Variants in MAGI3 observed in about 807,000 individuals in gnomAD.
The protein encoded by MAGI3 is membrane associated guanylate kinase, WW and PDZ domain containing 3.
MAGI3 carries 43 observed loss-of-function variants against 121.8 expected under a neutral mutation model. The ratio of observed to expected loss-of-function variants is 0.35; its 90% confidence interval spans 0.28 to 0.46. The LOEUF (loss-of-function observed/expected upper bound fraction) is 0.46. MAGI3 is among the 20% of genes least tolerant of loss of function. MAGI3 has a pLI of 1.00. For missense variants in MAGI3, 1,547 were observed against 1,797.3 expected (o/e 0.86, Z 2.52); for synonymous variants, 553 against 639.3 (o/e 0.86, Z 2.04).
chr1:113,449,377 G>GTGTGTA (rs1553186336), intron 1 of MAGI3, among the ~76,000 whole-genome samples: 1 of 151,638 alleles, frequency 6.6e-6, no homozygotes, highest in Non-Finnish European at 1.5e-5. Context: ...GTGTGTGTGT[G>GTGTGTA]TGTGTGTGTG....
chr1:113,662,891 A>G lies in MAGI3; in HGVS notation c.2815+3626A>G, dbSNP rs143376612. Among the ~76,000 whole-genome samples the G allele has an allele frequency of 2.4e-3, 360 of 152,006 alleles. 1 individual carries two copies. Among genetic ancestry groups the G allele is most frequent in the African/African-American group, 8.1e-3 (334 of 41,442 alleles). On this transcript the variant is annotated intron_variant, in intron 16 of 20. Coordinates refer to ENST00000307546, the MANE Select transcript of MAGI3 (RefSeq NM_001142782.2). Reference sequence around the variant, plus strand: ...AGCTGTTGTCTTTTTTTTCTTTTTAATTGGGATAGACTTCATATACTATAA... The same window carrying G: ...AGCTGTTGTCTTTTTTTTCTTTTTAGTTGGGATAGACTTCATATACTATAA...
At position 113,391,692 on chromosome 1, in the gene MAGI3, G is replaced by C. The variant is rs1174110882; in HGVS notation, c.316+343G>C. Among the ~76,000 whole-genome samples the C allele has an allele frequency of 6.6e-6, 1 of 152,178 alleles. No homozygotes were observed. Among genetic ancestry groups the C allele is most frequent in the Non-Finnish European group, 1.5e-5 (1 of 68,036 alleles). On this transcript the variant is annotated intron_variant, in intron 1 of 20. Coordinates refer to ENST00000307546, the MANE Select transcript of MAGI3 (RefSeq NM_001142782.2). This position sits in a 1 kb window ranked among gnomAD's most constrained non-coding sequence, Gnocchi z 4.4. Reference sequence around the variant, plus strand: ...GCCTTTTCCTGTGTTGTGCAAAAAGGCCCTTAGGATTGTAACATTTTCTTT... The same window carrying C: ...GCCTTTTCCTGTGTTGTGCAAAAAGCCCCTTAGGATTGTAACATTTTCTTT...
intron 16 of MAGI3, among the ~76,000 whole-genome samples, chr1:113,668,887 C>T (rs1024906419): frequency 1.3e-5 from 2 of 152,206 alleles, no homozygotes; most frequent in Non-Finnish European, 2.9e-5. Flanking sequence ...CGGCCAAAAA[C>T]ATGTAACTTT....
chr1:113,395,682 C>A (rs1337150120), intron 1 of MAGI3, among the ~76,000 whole-genome samples: 1 of 151,762 alleles, frequency 6.6e-6, no homozygotes, highest in Non-Finnish European at 1.5e-5. Context: ...TATATACACA[C>A]ACACATACTT....
chr1:113,598,823 C>G (rs1336859346), intron 6 of MAGI3, among the ~76,000 whole-genome samples: 1 of 152,016 alleles, frequency 6.6e-6, no homozygotes, highest in Non-Finnish European at 1.5e-5. Flanking sequence ...ACAAATAAAC[C>G]TGACAGATAT....
At chr1:113,630,288 A>C (rs1334609934) in intron 9 of MAGI3, among the ~76,000 whole-genome samples, 3 of 152,098 alleles carry the variant, frequency 2.0e-5, no homozygotes, top group Non-Finnish European at 4.4e-5. Flanking sequence ...GCTCACCTAA[A>C]GCACAAAGGC....
At chr1:113,603,892 T>A (rs1379872411) in intron 6 of MAGI3, among the ~76,000 whole-genome samples, 1 of 151,860 alleles carries the variant, frequency 6.6e-6, no homozygotes, top group Non-Finnish European at 1.5e-5. Context: ...AACAAACATA[T>A]GAAAAAAAAT....
Position 113,474,185 on chromosome 1 carries a change from C to T in MAGI3, c.317-75330C>T, listed in dbSNP as rs527362867. Among the ~76,000 whole-genome samples the T allele has an allele frequency of 2.1e-3, 316 of 152,010 alleles. 4 individuals are homozygous for T. The highest frequency in any genetic ancestry group is 7.4e-3 in the African/African-American group (306 of 41,452). ...TTAGCCATTTGTCAGATGGGTAGAT[C>T]GCAAAAATTTTCTCCCATTCTGTAG... On this transcript the variant is annotated intron_variant, in intron 1 of 20. Transcript: ENST00000307546.
intron 1 of MAGI3, among the ~76,000 whole-genome samples, chr1:113,428,777 C>T (rs1557752138): frequency 6.6e-6 from 1 of 152,138 alleles, no homozygotes; most frequent in Non-Finnish European, 1.5e-5. Context: ...TAAATTTTCA[C>T]CAGAAATACT....
At chr1:113,412,847 A>G (rs1199084316) in intron 1 of MAGI3, among the ~76,000 whole-genome samples, 2 of 152,070 alleles carry the variant, frequency 1.3e-5, no homozygotes, top group African/African-American at 4.8e-5. Flanking sequence ...CTCTGATGGT[A>G]GTTTCTTTTG....
At chr1:113,515,524 C>G in intron 1 of MAGI3, among the ~76,000 whole-genome samples, 1 of 152,184 alleles carries the variant, frequency 6.6e-6, no homozygotes, top group South Asian at 2.1e-4. Context: ...AGCACACCAG[C>G]TTTTTACATG....
At chr1:113,534,569 A>G (rs1190219536) in intron 1 of MAGI3, among the ~76,000 whole-genome samples, 1 of 151,706 alleles carries the variant, frequency 6.6e-6, no homozygotes, top group Non-Finnish European at 1.5e-5. Context: ...TTGGGTACAT[A>G]CTCCTATGTA....
At chr1:113,556,872 G>C (rs1168959510) in intron 2 of MAGI3, among the ~76,000 whole-genome samples, 2 of 151,956 alleles carry the variant, frequency 1.3e-5, no homozygotes, top group Non-Finnish European at 2.9e-5. Context: ...GGCCTAATAA[G>C]GAATATTCTG....
intron 1 of MAGI3, among the ~76,000 whole-genome samples, chr1:113,463,803 G>T (rs1044434967): frequency 6.6e-6 from 1 of 152,124 alleles, no homozygotes; most frequent in South Asian, 2.1e-4. Flanking sequence ...ACATATTAAG[G>T]CTTGACATTA....
intron 9 of MAGI3, 129 bp from the exon 10 acceptor site, chr1:113,641,782 T>G: frequency 4.1e-6 from 3 of 727,710 alleles, no homozygotes; most frequent in Non-Finnish European, 6.4e-6. Context: ...AAATCTATCT[T>G]TTCAGCAGTT....
intron 3 of MAGI3, chr1:113,581,062 T>C (rs967332314): frequency 6.6e-6 from 1 of 152,428 alleles, no homozygotes; most frequent in African/African-American, 2.4e-5. Context: ...AATATAAAAT[T>C]TGGGGAGAAA....
intron 1 of MAGI3, among the ~76,000 whole-genome samples, chr1:113,462,155 A>T (rs1183535494): frequency 6.6e-6 from 1 of 152,206 alleles, no homozygotes; most frequent in South Asian, 2.1e-4. Context: ...CTGTATGATG[A>T]TTCCTCAGAG....
intron 7 of MAGI3, among the ~76,000 whole-genome samples, chr1:113,616,019 A>G (rs1650438711): frequency 1.3e-5 from 2 of 152,300 alleles, no homozygotes; most frequent in South Asian, 4.1e-4. Context: ...TTCTGAGATA[A>G]TGATTCTCAT....
intron 1 of MAGI3, among the ~76,000 whole-genome samples, chr1:113,488,822 C>T (rs567917845): frequency 2.6e-5 from 4 of 152,120 alleles, no homozygotes; most frequent in Non-Finnish European, 5.9e-5. Context: ...GCAGATCCTC[C>T]CCAGCCCTGA....
Sources: gnomAD v4.1 joint callset for allele counts (sites outside exome capture counted in the v4.1 genomes callset) on GRCh38, gnomAD v4.1.1 for gene constraint, Gnocchi (gnomAD v3.1) non-coding constraint, MANE v1.5 for transcripts, NCBI Gene and HGNC (gene_info 2026-07-23, HGNC 2026-07-21) for gene names.